The following OTOP1 variants were observed in gnomAD, a reference collection of about 807,000 sequenced individuals.
OTOP1 encodes proton channel OTOP1.
Under a neutral mutation model 52.9 loss-of-function variants are expected in OTOP1, and 59 were observed. The ratio of observed to expected loss-of-function variants is 1.12; its 90% CI spans 0.91 to 1.39. The LOEUF is 1.39. Among genes scored for constraint, OTOP1 ranks in the 40% most tolerant of loss-of-function variants. OTOP1 has a pLI of 0.00. For missense variants in OTOP1, 761 were observed against 800.9 expected (o/e 0.95, Z 0.60); for synonymous variants, 317 against 337.7 (o/e 0.94, Z 0.67).
chr4:4,201,465 T>TACACACACACAC lies in OTOP1; in HGVS notation c.730+982_730+983insGTGTGTGTGTGT, dbSNP rs773676745. Among the ~76,000 whole-genome samples, 190 of 86,170 alleles carry TACACACACACAC rather than the reference T, an allele frequency of 2.2e-3. 2 individuals carry two copies. The highest frequency in any genetic ancestry group is 1.4e-3 in the Non-Finnish European group (51 of 35,556). The allele number at this position is 86,170 out of a possible 152,430, so 56.5% of individuals were successfully genotyped here. A position where few individuals can be genotyped will look rare whatever the true frequency, so the allele number is the denominator to read the frequency against. On this transcript the variant is annotated intron_variant, in intron 4 of 5. Transcript: ENST00000296358. Reference sequence around the variant, plus strand: ...AAAATAGAATAAATAAATAAATATATATATATACACACACACACACACACA... The same window carrying TACACACACACAC: ...AAAATAGAATAAATAAATAAATATATACACACACACACATATATACACACACACACACACACA...
rs796336973 is a variant in OTOP1 at position 4,212,951 on chromosome 4, C to A, written c.457G>T (p.Gly153Ter). The change falls in exon 2 of 6, where the codon GGA becomes TGA. Residue 153 changes from glycine (G) to a stop codon, truncating the protein, a stop_gained. Transcript: ENST00000296358. LOFTEE classifies it high-confidence loss of function. ...CATTCTGAAAATCCAATGAAGTATC[C>A]AATTTTAAGGCATCCCAGGATGACG... Reference protein sequence around the residue: ...ITVILGCLKIGYFIGFSECLS... With the variant: ...ITVILGCLKI The A allele has an allele frequency of 6.2e-7, 1 of 1,613,810 alleles. No individual in the cohort carries two copies. Among genetic ancestry groups the A allele is most frequent in the African/African-American group, 1.3e-5 (1 of 74,862 alleles).
At chr4:4,195,154 C>T (rs1227378323) in intron 5 of OTOP1, among the ~76,000 whole-genome samples, 10 of 152,194 alleles carry the variant, frequency 6.6e-5, no homozygotes, top group Non-Finnish European at 1.3e-4. Context: ...CAGAGTCCAC[C>T]TAGCTGGGCC....
intron 1 of OTOP1, among the ~76,000 whole-genome samples, chr4:4,224,777 C>G (rs1377522773): frequency 1.3e-5 from 2 of 152,204 alleles, no homozygotes; most frequent in African/African-American, 2.4e-5. Context: ...AGGCTAATAT[C>G]CAACAGTCAT....
At chr4:4,225,076 C>T (rs778073701) in intron 1 of OTOP1, among the ~76,000 whole-genome samples, 2 of 152,304 alleles carry the variant, frequency 1.3e-5, no homozygotes, top group East Asian at 1.9e-4. Context: ...GCAAGGAACA[C>T]GGAAGCCCCA....
chr4:4,223,277 C>T (rs1233356188), intron 1 of OTOP1, among the ~76,000 whole-genome samples: 1 of 152,198 alleles, frequency 6.6e-6, no homozygotes, highest in Non-Finnish European at 1.5e-5. Context: ...CTGCTCTTCC[C>T]TTTGGCTTCC....
intron 4 of OTOP1, among the ~76,000 whole-genome samples, chr4:4,201,469 T>C (rs2980133): frequency 0.36 from 49,468 of 136,716 alleles, 8,938 homozygotes; most frequent in Non-Finnish European, 0.41. Context: ...AATATATATA[T>C]ATACACACAC....
intron 1 of OTOP1, among the ~76,000 whole-genome samples, chr4:4,224,358 A>T (rs1320327828): frequency 1.3e-5 from 2 of 151,208 alleles, no homozygotes; most frequent in African/African-American, 4.9e-5. Flanking sequence ...AAAAAAAAAA[A>T]TAAAGAAGGA....
chr4:4,211,655 C>T (rs1036342322), intron 2 of OTOP1, among the ~76,000 whole-genome samples: 4 of 152,110 alleles, frequency 2.6e-5, no homozygotes, highest in Non-Finnish European at 5.9e-5. Context: ...GTCCTACCTG[C>T]TAGGGAGACT....
chr4:4,191,123 A>T (rs1716494207), intron 5 of OTOP1, among the ~76,000 whole-genome samples: 2 of 152,166 alleles, frequency 1.3e-5, no homozygotes, highest in South Asian at 4.1e-4. Context: ...CAGGTGGTCC[A>T]TCGAGGCTCC....
Position 4,223,580 on chromosome 4 carries a change from GA to G in OTOP1, c.403+2881del, listed in dbSNP as rs538103373. Among the ~76,000 whole-genome samples, 71 of 152,106 alleles carry G rather than the reference GA, an allele frequency of 4.7e-4. No individual in the cohort carries two copies. The South Asian group carries it at 0.012, about 26-fold the overall frequency. On this transcript the variant is annotated intron_variant, in intron 1 of 5. Transcript: ENST00000296358. ...TAGAAAAAAAGAAGAAGGAGGAGCA[GA>G]AGGAGAAGGAGAAGGAGGAACATTC...
At chr4:4,221,384 C>T (rs146803717) in intron 1 of OTOP1, among the ~76,000 whole-genome samples, 7,503 of 152,218 alleles carry the variant, frequency 0.049, 194 homozygotes, top group South Asian at 0.058. Flanking sequence ...AATCACACCA[C>T]TTCATTCCAG....
rs1430738005 is a variant in OTOP1, at chr4:4,226,454, G to C, written c.403+8C>G. ...GCGGAGACCCGCTCGCCCGGCGCCT[G>C]GACTCACCGCGCAGCCAGCCGGCAC... On this transcript the variant is annotated splice_region_variant and intron_variant, in intron 1 of 5. Coordinates refer to ENST00000296358, the MANE Select transcript of OTOP1 (RefSeq NM_177998.3). The C allele has an allele frequency of 7.5e-6, 11 of 1,459,626 alleles. No homozygotes were observed. Among genetic ancestry groups the C allele is most frequent in the Non-Finnish European group, 9.9e-6 (11 of 1,111,270 alleles). The allele number at this position is 1,459,626 out of a possible 1,614,324, so 90.4% of individuals were successfully genotyped here.
intron 1 of OTOP1, among the ~76,000 whole-genome samples, chr4:4,220,976 C>G (rs1717287845): frequency 6.6e-6 from 1 of 152,076 alleles, no homozygotes; most frequent in African/African-American, 2.4e-5. Context: ...CTAGGAGGCT[C>G]AATATCTCTC....
At position 4,202,492 on chromosome 4, in the gene OTOP1, T is replaced by G; in HGVS notation, c.686A>C (p.His229Pro). 8 of 1,614,122 alleles carry G rather than the reference T, an allele frequency of 5.0e-6. No individual in the cohort carries two copies. Among genetic ancestry groups the G allele is most frequent in the Non-Finnish European group, 6.8e-6 (8 of 1,179,960 alleles). ...ACCCAGAGTGATGAGCCGTTCCTTG[T>G]GCTCATTGAGTTGGTGCTTTGACTC... is the stretch of plus-strand genomic sequence containing the variant. Reference protein sequence around the residue: ...LNESKHQLNEHKERLITLGFG... With the variant: ...LNESKHQLNEPKERLITLGFG... Residue 229 changes from histidine (H) to proline (P), a missense_variant, in exon 4 of 6, where the codon CAC becomes CCC. His to Pro is a moderately conservative substitution (Grantham distance 77). Around this residue, in one of 3 missense-constraint regions of OTOP1, gnomAD observed 632 missense variants for 619.5 expected, o/e 1.02. Coordinates refer to ENST00000296358, the MANE Select transcript of OTOP1 (RefSeq NM_177998.3).
intron 1 of OTOP1, among the ~76,000 whole-genome samples, chr4:4,220,005 A>G (rs1344176452): frequency 7.5e-5 from 4 of 53,154 alleles, no homozygotes; most frequent in Admixed American, 2.7e-4. Context: ...GTATATACAT[A>G]TATATGTATA....
chr4:4,198,124 A>G (rs746843831), intron 4 of OTOP1, 21 bp from the exon 5 acceptor site: 94 of 1,586,214 alleles, frequency 5.9e-5, no homozygotes, highest in Non-Finnish European at 4.5e-5. Flanking sequence ...CAGGTAGATC[A>G]CACAGGAGGG....
chr4:4,218,033 C>T (rs1252508445), intron 1 of OTOP1, among the ~76,000 whole-genome samples: 2 of 151,874 alleles, frequency 1.3e-5, no homozygotes, highest in Non-Finnish European at 2.9e-5. Flanking sequence ...ATTTACATGC[C>T]CTATAAAGAC....
chr4:4,191,419 A>G (rs541371068), intron 5 of OTOP1, among the ~76,000 whole-genome samples: 1 of 152,278 alleles, frequency 6.6e-6, no homozygotes, highest in South Asian at 2.1e-4. Flanking sequence ...AAATATTTAA[A>G]GTAAAATCTA....
intron 1 of OTOP1, among the ~76,000 whole-genome samples, chr4:4,218,936 A>G (rs1717211164): frequency 6.6e-6 from 1 of 152,190 alleles, no homozygotes; most frequent in Admixed American, 6.5e-5. Context: ...CTCAAAAAAA[A>G]AAGAATGAAG....
Sources: gnomAD v4.1 joint callset for allele counts (sites outside exome capture counted in the v4.1 genomes callset) on GRCh38, gnomAD v4.1.1 for gene constraint, gnomAD v4.1.1 regional missense constraint, MANE v1.5 for transcripts, NCBI Gene and HGNC (gene_info 2026-07-23, HGNC 2026-07-21) for gene names.